Variants in RASSF5 observed in about 807,000 individuals in gnomAD.
RASSF5 encodes the protein Ras association domain family member 5, also known as ras association domain-containing protein 5.
A neutral mutation model predicts 40.5 loss-of-function variants in RASSF5; 25 were observed. The observed-to-expected ratio is 0.62, with a 90% CI of 0.45 to 0.86. RASSF5 has a LOEUF of 0.86. Among genes scored for constraint, RASSF5 ranks in the 40% least tolerant of loss-of-function variants. The pLI is 0.00. For synonymous variants in RASSF5, 246 were observed against 252.4 expected, an observed-to-expected ratio of 0.97 and a Z score of 0.24; for missense variants, 521 against 572.8, an observed-to-expected ratio of 0.91 and a Z score of 0.92.
intron 2 of RASSF5, among the ~76,000 whole-genome samples, chr1:206,546,497 G>C (rs1553400211): frequency 1.3e-5 from 2 of 152,032 alleles, no homozygotes. Context: ...CTACTTGAAT[G>C]TACTTTATGA....
chr1:206,572,955 A>C (rs1458030337), intron 2 of RASSF5, among the ~76,000 whole-genome samples: 1 of 152,192 alleles, frequency 6.6e-6, no homozygotes, highest in African/African-American at 2.4e-5. Flanking sequence ...AGCTTTGGTC[A>C]AATGACTACT....
In RASSF5 at chr1:206,587,051, C is replaced by G; in HGVS notation, c.*73C>G. 1.3e-6 allele frequency: 2 copies of G among 1,558,016 alleles called. No individual in the cohort carries two copies. The highest frequency in any genetic ancestry group is 1.7e-6 in the Non-Finnish European group (2 of 1,145,096). On this transcript the variant is annotated 3_prime_UTR_variant, in exon 6 of 6. Coordinates refer to ENST00000579436, the MANE Select transcript of RASSF5 (RefSeq NM_182663.4). The stretch of plus-strand genomic sequence containing the variant: ...ATTAATTATTATTTTGCAACAGACA[C>G]TTTTTCTCAGGACATCTCTGGCAGG...
At chr1:206,585,659 C>A in intron 5 of RASSF5, 1 of 186,774 alleles carries the variant, frequency 5.4e-6, no homozygotes, top group Non-Finnish European at 1.1e-5. Context: ...CTGGGCTCCA[C>A]TGGGTATAGA....
intron 2 of RASSF5, among the ~76,000 whole-genome samples, chr1:206,561,869 C>T (rs114714203): frequency 0.023 from 3,430 of 149,894 alleles, 151 homozygotes; most frequent in African/African-American, 0.08. Context: ...GACAGGGTTT[C>T]ACAATGTTGG....
chr1:206,529,316 A>G (rs899591456), intron 1 of RASSF5: 22 of 792,982 alleles, frequency 2.8e-5, no homozygotes, highest in Non-Finnish European at 4.7e-5. Flanking sequence ...CTGTCCTTCG[A>G]GCAGGAGTTA....
At chr1:206,546,782 T>C (rs1667705598) in intron 2 of RASSF5, among the ~76,000 whole-genome samples, 1 of 152,246 alleles carries the variant, frequency 6.6e-6, no homozygotes, top group African/African-American at 2.4e-5. Flanking sequence ...ACCTATTTTC[T>C]TATGAAGTGT....
At chr1:206,538,598 C>T (rs571235488) in intron 2 of RASSF5, among the ~76,000 whole-genome samples, 5 of 152,292 alleles carry the variant, frequency 3.3e-5, no homozygotes, top group South Asian at 2.1e-4. Context: ...AGCCTTCTGA[C>T]GGTCCCTAAA....
Position 206,580,435 on chromosome 1 carries a change from G to A in RASSF5, c.580-2834G>A, listed in dbSNP as rs553182321. Among the ~76,000 whole-genome samples, 3 of 152,328 alleles carry A rather than the reference G, an allele frequency of 2.0e-5. No individual in the cohort carries two copies. The East Asian group carries it at 5.8e-4, about 29-fold the overall frequency. On this transcript the variant is annotated intron_variant, in intron 2 of 5. Coordinates refer to ENST00000579436, the MANE Select transcript of RASSF5 (RefSeq NM_182663.4). The stretch of plus-strand genomic sequence containing the variant: ...CCTACATGCGTCAGAGACAGAGTGA[G>A]TGTATAATAGTAACCAGACAACGGG...
chr1:206,509,129 T>C (rs553432597), intron 1 of RASSF5, among the ~76,000 whole-genome samples: 5 of 152,346 alleles, frequency 3.3e-5, no homozygotes, highest in African/African-American at 1.2e-4. Context: ...AAATGGATTG[T>C]GGTTTGCATC....
Position 206,585,238 on chromosome 1 carries a change from G to C in RASSF5, c.1047G>C (p.Gly349=). ...CCCTCTACCTGCGCCTGCTTGCTGGGCCTGACACGGAGGTCCTCAGCTTTG... is the reference window on the plus strand; with the variant it reads ...CCCTCTACCTGCGCCTGCTTGCTGGCCCTGACACGGAGGTCCTCAGCTTTG... ...DRPLYLRLLA[G]PDTEVLSFVL... Residue 349 remains glycine (G), a synonymous_variant, in exon 5 of 6, where the codon GGG becomes GGC. Transcript: ENST00000579436. 2 of 1,614,138 alleles carry C rather than the reference G, an allele frequency of 1.2e-6. No homozygotes were observed. Among genetic ancestry groups the C allele is most frequent in the Non-Finnish European group, 1.7e-6 (2 of 1,180,016 alleles).
At chr1:206,580,995 T>C (rs1668850257) in intron 2 of RASSF5, 1 of 152,254 alleles carries the variant, frequency 6.6e-6, no homozygotes, top group Non-Finnish European at 1.5e-5. Context: ...GTGATCATTA[T>C]GGGTGTGGCA....
intron 2 of RASSF5, among the ~76,000 whole-genome samples, chr1:206,539,749 A>G (rs1667499787): frequency 6.6e-6 from 1 of 152,166 alleles, no homozygotes; most frequent in Admixed American, 6.5e-5. Context: ...TGGCCCCCAA[A>G]AGTGCTGATG....
At chr1:206,545,103 G>C (rs1267103628) in intron 2 of RASSF5, among the ~76,000 whole-genome samples, 1 of 152,124 alleles carries the variant, frequency 6.6e-6, no homozygotes, top group Admixed American at 6.6e-5. Context: ...CTCTCAGGAA[G>C]TGCAGGGTCT....
At position 206,526,269 on chromosome 1, in the gene RASSF5, A is replaced by AGTGTGTGTGTGTGTGTGTGTGTGTGT. The variant is rs61263066; in HGVS notation, c.458-11879_458-11878insGTGTGTGTGTGTGTGTGTGTGTGTGT. Among the ~76,000 whole-genome samples, 983 of 143,078 alleles carry AGTGTGTGTGTGTGTGTGTGTGTGTGT rather than the reference A, an allele frequency of 6.9e-3. 16 individuals are homozygous for AGTGTGTGTGTGTGTGTGTGTGTGTGT. The highest frequency in any genetic ancestry group is 0.019 in the African/African-American group (708 of 37,354). 93.9% of individuals were successfully genotyped at this position (143,078 alleles called of 152,430 possible). The stretch of plus-strand genomic sequence containing the variant: ...TTTGCTTCCTGGCTTGCTTTCTGGC[A>AGTGTGTGTGTGTGTGTGTGTGTGTGT]GTGTGTGTGTGTGTGTGTGTGTGTT... On this transcript the variant is annotated intron_variant, in intron 1 of 5. Coordinates refer to ENST00000579436, the MANE Select transcript of RASSF5 (RefSeq NM_182663.4).
intron 1 of RASSF5, among the ~76,000 whole-genome samples, chr1:206,523,775 ATTATATATAATATATT>A (rs1259107102): frequency 9.8e-6 from 1 of 102,268 alleles, no homozygotes; most frequent in Non-Finnish European, 1.7e-5. Context: ...TATTTTATAT[ATTATATATAATATATT>A]TTATATATAA....
In RASSF5 at chr1:206,560,866, G is replaced by A. The variant is rs1668119286; in HGVS notation, c.580-22403G>A. Among the ~76,000 whole-genome samples the A allele has an allele frequency of 5.3e-5, 8 of 152,300 alleles. No individual in the cohort carries two copies. In the South Asian group the frequency reaches 1.7e-3, roughly 32 times the overall value. On this transcript the variant is annotated intron_variant, in intron 2 of 5. Transcript: ENST00000579436. The surrounding 1 kb of genome is among the most constrained non-coding windows in gnomAD (Gnocchi z 5.1). Reference sequence around the variant, plus strand: ...CTTAGTCCCACAAAAGATAGGGTTTGGTGATTTGTAGGACTGGTGACTGTG... The same window carrying A: ...CTTAGTCCCACAAAAGATAGGGTTTAGTGATTTGTAGGACTGGTGACTGTG...
intron 2 of RASSF5, among the ~76,000 whole-genome samples, chr1:206,553,711 G>C (rs576132031): frequency 6.6e-5 from 10 of 152,296 alleles, no homozygotes; most frequent in Non-Finnish European, 1.2e-4. Flanking sequence ...GGGTACACAG[G>C]GGGAGAAGAG....
Position 206,507,711 on chromosome 1 carries a change from C to T in RASSF5, c.109C>T (p.Pro37Ser), listed in dbSNP as rs923642211. 4.0e-6 allele frequency: 6 copies of T among 1,487,136 alleles called. No homozygotes were observed. Among genetic ancestry groups the T allele is most frequent in the African/African-American group, 1.5e-5 (1 of 68,474 alleles). 92.1% of individuals were successfully genotyped at this position (1,487,136 alleles called of 1,614,324 possible). Reference protein sequence around the residue: ...SLSGPELPPPPPDRSSRLCVP... With the variant: ...SLSGPELPPPSPDRSSRLCVP... Reference sequence around the variant, plus strand: ...GAGCGGCCCCGAGCTACCGCCGCCGCCCCCCGACCGGTCCTCGCGCCTCTG... The same window carrying T: ...GAGCGGCCCCGAGCTACCGCCGCCGTCCCCCGACCGGTCCTCGCGCCTCTG... The change falls in exon 1 of 6, where the codon CCC becomes TCC. Residue 37 changes from proline to serine, a missense_variant. This residue lies in a region of RASSF5 where 237 missense variants were observed against 212.0 expected (regional missense o/e 1.12). Transcript: ENST00000579436.
Position 206,543,565 on chromosome 1 carries a change from ATG to A in RASSF5, c.579+5298_579+5299del, listed in dbSNP as rs59506240. The A allele has an allele frequency of 3.3e-3, 500 of 149,650 alleles. 1 individual carries two copies. Among genetic ancestry groups the A allele is most frequent in the East Asian group, 0.013 (67 of 5,068 alleles). The allele number at this position is 149,650 out of a possible 1,614,324, so 9.3% of individuals were successfully genotyped here. A position where few individuals can be genotyped will look rare whatever the true frequency, so the allele number is the denominator to read the frequency against. On this transcript the variant is annotated intron_variant, in intron 2 of 5. Coordinates refer to ENST00000579436, the MANE Select transcript of RASSF5 (RefSeq NM_182663.4). ...CATGTATATATACACGTGTGTGTGT[ATG>A]TGTGTGTGTGTGTGTGTGTGTGTGT... is the stretch of plus-strand genomic sequence containing the variant.
Sources: gnomAD v4.1 joint callset for allele counts (sites outside exome capture counted in the v4.1 genomes callset) on GRCh38, gnomAD v4.1.1 for gene constraint, gnomAD v4.1.1 regional missense constraint, Gnocchi (gnomAD v3.1) non-coding constraint, MANE v1.5 for transcripts, NCBI Gene and HGNC (gene_info 2026-07-23, HGNC 2026-07-21) for gene names.